The following WFDC8 variants were observed in gnomAD, a reference collection of about 807,000 sequenced individuals.
WFDC8 encodes the protein WAP four-disulfide core domain protein 8.
In WFDC8, 24 loss-of-function variants were observed where a neutral mutation model predicts 27.0. The ratio of observed to expected loss-of-function variants is 0.89; its 90% CI spans 0.64 to 1.25. The LOEUF (loss-of-function observed/expected upper bound fraction) is 1.25, where lower values mean the gene tolerates loss of function less well. WFDC8 is among the 50% of genes most tolerant of loss of function. The pLI is 0.00. For synonymous variants in WFDC8, 106 were observed against 99.7 expected (o/e 1.06, Z -0.38); for missense variants, 287 against 295.9 (o/e 0.97, Z 0.22).
intron 1 of WFDC8, among the ~76,000 whole-genome samples, chr20:45,571,869 T>C (rs899730656): frequency 6.6e-6 from 1 of 152,244 alleles, no homozygotes; most frequent in African/African-American, 2.4e-5. Context: ...TTTTTACCCA[T>C]TTATCCATTG....
chr20:45,553,486 C>A (rs946094253), intron 4 of WFDC8, among the ~76,000 whole-genome samples: 1 of 152,242 alleles, frequency 6.6e-6, no homozygotes, highest in East Asian at 1.9e-4. Context: ...CCTTAAGCCC[C>A]ATGGTAAAGT....
At chr20:45,551,348 C>G (rs1181771614), downstream of WFDC8, 1 of 152,080 alleles carries the variant, frequency 6.6e-6, no homozygotes. Context: ...AAATAACTGG[C>G]CAGGCACAGT....
At chr20:45,564,971 A>C (rs8125350) in intron 1 of WFDC8, among the ~76,000 whole-genome samples, 1 of 146,416 alleles carries the variant, frequency 6.8e-6, no homozygotes, top group South Asian at 2.2e-4. Flanking sequence ...GAAGGAAAGA[A>C]AGACAAAGAA....
At position 45,579,265 on chromosome 20, in the gene WFDC8, G is replaced by A. The variant is rs376186702; in HGVS notation, c.-18C>T. 8 of 1,613,630 alleles carry A rather than the reference G, an allele frequency of 5.0e-6. No homozygotes were observed. The highest frequency in any genetic ancestry group is 2.2e-5 in the East Asian group (1 of 44,860). Reference sequence around the variant, plus strand: ...GTCCACATCAGGCCTCTTCCCTATGGAGACAGCTTCCTCACTTTGCTCCAG... The same window carrying A: ...GTCCACATCAGGCCTCTTCCCTATGAAGACAGCTTCCTCACTTTGCTCCAG... On this transcript the variant is annotated 5_prime_UTR_variant, in exon 1 of 6. Transcript: ENST00000289953.
chr20:45,552,869 T>G (rs1006091782), intron 5 of WFDC8, among the ~76,000 whole-genome samples: 4 of 152,206 alleles, frequency 2.6e-5, no homozygotes, highest in Non-Finnish European at 5.9e-5. Context: ...TTGCAAGTCA[T>G]TGAGGAATGA....
At chr20:45,567,579 A>C (rs1040585172) in intron 1 of WFDC8, among the ~76,000 whole-genome samples, 4 of 152,168 alleles carry the variant, frequency 2.6e-5, no homozygotes, top group Non-Finnish European at 1.5e-5. Flanking sequence ...TAGCGATGAA[A>C]ACTCAACAGT....
At position 45,552,111 on chromosome 20, in the gene WFDC8, G is replaced by A; in HGVS notation, c.641C>T (p.Pro214Leu). The A allele has an allele frequency of 6.2e-7, 1 of 1,614,062 alleles. No homozygotes were observed. The highest frequency in any genetic ancestry group is 8.5e-7 in the Non-Finnish European group (1 of 1,179,964). The change falls in exon 6 of 6, where the codon CCC becomes CTC. Residue 214 changes from proline (P) to leucine (L), a missense_variant. Transcript: ENST00000289953. ...GCACTCCTCATCCTGCAGGCACTTG[G>A]GTTTATCAATCTTGGTACATAGCAA... The part of the protein sequence containing the change: ...KPLLCTKIDK[P>L]KCLQDEECPL...
intron 2 of WFDC8, among the ~76,000 whole-genome samples, chr20:45,560,794 G>A (rs986572506): frequency 3.9e-5 from 6 of 152,164 alleles, no homozygotes; most frequent in African/African-American, 1.4e-4. Context: ...ACCCCCTCCA[G>A]GAATGGACTG....
At chr20:45,567,507 G>T (rs959423759) in intron 1 of WFDC8, among the ~76,000 whole-genome samples, 3 of 152,190 alleles carry the variant, frequency 2.0e-5, no homozygotes, top group Non-Finnish European at 4.4e-5. Context: ...AGCTCGGTCA[G>T]AAACGGCCCA....
intron 1 of WFDC8, among the ~76,000 whole-genome samples, chr20:45,575,945 C>G (rs947313175): frequency 6.6e-6 from 1 of 151,282 alleles, no homozygotes; most frequent in South Asian, 2.1e-4. Context: ...AGGAAGCAGA[C>G]CTTGAGGAGG....
intron 3 of WFDC8, among the ~76,000 whole-genome samples, chr20:45,556,310 T>C (rs1320757641): frequency 6.6e-6 from 1 of 152,268 alleles, no homozygotes; most frequent in East Asian, 1.9e-4. Context: ...TCCTGTACTT[T>C]TGCTAATGAC....
intron 2 of WFDC8, among the ~76,000 whole-genome samples, chr20:45,561,064 C>A (rs1255873501): frequency 6.6e-6 from 1 of 152,154 alleles, no homozygotes; most frequent in Non-Finnish European, 1.5e-5. Context: ...TGTTGTAGCT[C>A]CTTTCCCCAT....
intron 1 of WFDC8, among the ~76,000 whole-genome samples, chr20:45,573,018 C>G (rs1375356277): frequency 6.6e-6 from 1 of 152,184 alleles, no homozygotes; most frequent in Non-Finnish European, 1.5e-5. Flanking sequence ...TGAATATTAA[C>G]CCCTCATCAT....
At chr20:45,553,330 C>T (rs1480294312) in intron 4 of WFDC8, 54 bp from the exon 5 acceptor site, 2 of 1,568,430 alleles carry the variant, frequency 1.3e-6, no homozygotes, top group Non-Finnish European at 1.7e-6. Flanking sequence ...TCCCACCACC[C>T]TTCAAAGAGC....
At chr20:45,576,916 T>C (rs376793308) in intron 1 of WFDC8, among the ~76,000 whole-genome samples, 35 of 151,658 alleles carry the variant, frequency 2.3e-4, no homozygotes, top group African/African-American at 8.2e-4. Flanking sequence ...GATTCATTTC[T>C]ACAATTTTAT....
intron 3 of WFDC8, among the ~76,000 whole-genome samples, chr20:45,556,929 G>A (rs1227976400): frequency 1.3e-5 from 2 of 152,154 alleles, no homozygotes; most frequent in African/African-American, 4.8e-5. Context: ...AAAGGTCATG[G>A]TCACTGTTTG....
At chr20:45,575,060 G>T (rs1454174375) in intron 1 of WFDC8, among the ~76,000 whole-genome samples, 1 of 152,174 alleles carries the variant, frequency 6.6e-6, no homozygotes, top group Non-Finnish European at 1.5e-5. Context: ...CAAGCCCACA[G>T]CTCTTATACC....
chr20:45,561,620 CAGA>C, intron 2 of WFDC8, among the ~76,000 whole-genome samples: 1 of 152,164 alleles, frequency 6.6e-6, no homozygotes, highest in Admixed American at 6.5e-5. Context: ...ACCACTCCCT[CAGA>C]TCAGCACCTG....
intron 2 of WFDC8, chr20:45,559,947 C>A (rs369650136): frequency 2.6e-5 from 4 of 152,072 alleles, no homozygotes; most frequent in Non-Finnish European, 5.9e-5. Context: ...AAAGTTGCAC[C>A]CTCAAGATTC....
Sources: gnomAD v4.1 joint callset for allele counts (sites outside exome capture counted in the v4.1 genomes callset) on GRCh38, gnomAD v4.1.1 for gene constraint, MANE v1.5 for transcripts, NCBI Gene and HGNC (gene_info 2026-07-23, HGNC 2026-07-21) for gene names.